The following MAGI2 variants were observed in gnomAD, a reference collection of about 807,000 sequenced individuals.
MAGI2 encodes membrane associated guanylate kinase, WW and PDZ domain containing 2.
Under a neutral mutation model 133.3 loss-of-function variants are expected in MAGI2, and 35 were observed. The observed-to-expected ratio is 0.26, with a 90% confidence interval of 0.20 to 0.35. MAGI2 has a LOEUF of 0.35. Among genes scored for constraint, MAGI2 ranks in the 10% least tolerant of loss-of-function variants. The pLI is 1.00. For synonymous variants in MAGI2, 729 were observed against 710.6 expected (o/e 1.03, Z -0.41); for missense variants, 1,636 against 1,863.4 (o/e 0.88, Z 2.25).
At chr7:79,398,428 A>G (rs551502558) in intron 1 of MAGI2, among the ~76,000 whole-genome samples, 1 of 152,342 alleles carries the variant, frequency 6.6e-6, no homozygotes, top group South Asian at 2.1e-4. Flanking sequence ...AGTGGGCTCA[A>G]GATGTTTGTG....
intron 2 of MAGI2, among the ~76,000 whole-genome samples, chr7:78,944,175 C>G (rs530015750): frequency 3.4e-4 from 52 of 152,226 alleles, no homozygotes; most frequent in African/African-American, 1.2e-3. Flanking sequence ...TGCCTTAATT[C>G]ATTTTCTCAC....
intron 1 of MAGI2, among the ~76,000 whole-genome samples, chr7:79,356,636 T>A (rs1842036488): frequency 6.6e-6 from 1 of 152,182 alleles, no homozygotes; most frequent in African/African-American, 2.4e-5. Flanking sequence ...AGTGATACTA[T>A]CTTAAACAAT....
At chr7:78,204,005 A>G (rs879426231) in intron 10 of MAGI2, among the ~76,000 whole-genome samples, 4 of 152,206 alleles carry the variant, frequency 2.6e-5, no homozygotes, top group Admixed American at 2.0e-4. Context: ...AAACCAAATC[A>G]AAACTGTCAA....
chr7:78,989,792 C>T lies in MAGI2; in HGVS notation c.418+17298G>A, dbSNP rs1199356209. On this transcript the variant is annotated intron_variant, in intron 2 of 21. Transcript: ENST00000354212. ...TGCATACCACCGTTTTCAGCCTACCCACTATCCTTAGCTCAGGTTGCACTG... is the reference window on the plus strand; with the variant it reads ...TGCATACCACCGTTTTCAGCCTACCTACTATCCTTAGCTCAGGTTGCACTG... 3.3e-5 allele frequency among the ~76,000 whole-genome samples: 5 copies of T among 152,134 alleles called. No homozygotes were observed. The South Asian group carries it at 1.0e-3, about 32-fold the overall frequency.
At chr7:79,046,160 T>C (rs967265089) in intron 1 of MAGI2, among the ~76,000 whole-genome samples, 2 of 152,146 alleles carry the variant, frequency 1.3e-5, no homozygotes, top group Non-Finnish European at 2.9e-5. Context: ...CTGAACTGTG[T>C]CCCCTTCAAA....
intron 2 of MAGI2, among the ~76,000 whole-genome samples, chr7:78,775,737 T>C (rs1376064315): frequency 6.6e-6 from 1 of 152,184 alleles, no homozygotes; most frequent in African/African-American, 2.4e-5. Context: ...ATTCTCACAA[T>C]AACTTAGAAA....
intron 1 of MAGI2, chr7:79,353,384 T>C (rs1841817230): frequency 8.9e-6 from 4 of 447,966 alleles, no homozygotes; most frequent in Non-Finnish European, 1.8e-5. Flanking sequence ...TCTCTGGCTG[T>C]GGCATCTTCT....
Position 79,126,625 on chromosome 7 carries a change from C to T in MAGI2, c.302-119419G>A, listed in dbSNP as rs577650820. On this transcript the variant is annotated intron_variant, in intron 1 of 21. Transcript: ENST00000354212. ...AATTCCTTTTTAAATTTTTAATAGT[C>T]TACTTTGAGTTGGGTTTCATTCATA... is the stretch of plus-strand genomic sequence containing the variant. Among the ~76,000 whole-genome samples the T allele has an allele frequency of 3.9e-5, 6 of 152,082 alleles. No individual in the cohort carries two copies. In the South Asian group the frequency reaches 1.2e-3, roughly 32 times the overall value.
intron 2 of MAGI2, among the ~76,000 whole-genome samples, chr7:78,906,668 T>G (rs1798012484): frequency 6.6e-6 from 1 of 152,144 alleles, no homozygotes; most frequent in Non-Finnish European, 1.5e-5. Flanking sequence ...CTTTTATAAG[T>G]TATAAAGGAG....
At chr7:78,539,691 A>G (rs1280712361) in intron 3 of MAGI2, among the ~76,000 whole-genome samples, 1 of 152,180 alleles carries the variant, frequency 6.6e-6, no homozygotes. Context: ...CTAGCCACCC[A>G]GTGGTACTGG....
chr7:78,984,871 CT>C (rs369155760), intron 2 of MAGI2, among the ~76,000 whole-genome samples: 246 of 152,100 alleles, frequency 1.6e-3, no homozygotes, highest in African/African-American at 5.8e-3. Flanking sequence ...TTGTTAATTG[CT>C]TTACCTCCAG....
chr7:78,630,160 A>G (rs1300651947), intron 2 of MAGI2, among the ~76,000 whole-genome samples: 1 of 151,704 alleles, frequency 6.6e-6, no homozygotes, highest in East Asian at 1.9e-4. Flanking sequence ...TTAACCCCCA[A>G]ATCTCTAAAT....
chr7:79,417,536 G>A (rs1037252485), intron 1 of MAGI2, among the ~76,000 whole-genome samples: 74 of 152,042 alleles, frequency 4.9e-4, no homozygotes, highest in Admixed American at 9.2e-4. Flanking sequence ...AATAGGGACC[G>A]ATCACTTTTC....
intron 2 of MAGI2, among the ~76,000 whole-genome samples, chr7:78,830,366 G>A (rs1791034780): frequency 6.6e-6 from 1 of 151,844 alleles, no homozygotes; most frequent in Admixed American, 6.6e-5. Context: ...TTTCCATTTT[G>A]CTTTGCTTCA....
At chr7:78,033,487 A>AAAC (rs1809829756) in intron 21 of MAGI2, among the ~76,000 whole-genome samples, 1 of 151,312 alleles carries the variant, frequency 6.6e-6, no homozygotes, top group South Asian at 2.1e-4. Context: ...AAAAAAAAAA[A>AAAC]AAAAAGAAAA....
intron 6 of MAGI2, among the ~76,000 whole-genome samples, chr7:78,403,405 G>A (rs1020802863): frequency 6.6e-6 from 1 of 152,180 alleles, no homozygotes; most frequent in African/African-American, 2.4e-5. Context: ...ATCATTGTTG[G>A]ACATTTGGGT....
chr7:78,154,224 A>G (rs1000000780), intron 16 of MAGI2, among the ~76,000 whole-genome samples: 2 of 152,252 alleles, frequency 1.3e-5, no homozygotes, highest in Non-Finnish European at 2.9e-5. Flanking sequence ...GAAACTCACC[A>G]GGGTGCTTTA....
At chr7:79,140,642 C>T (rs1393452757) in intron 1 of MAGI2, among the ~76,000 whole-genome samples, 4 of 152,086 alleles carry the variant, frequency 2.6e-5, no homozygotes, top group Admixed American at 6.5e-5. Flanking sequence ...AGGTTTCTTC[C>T]AGAGTCTTCA....
At chr7:79,365,438 C>A (rs1194775612) in intron 1 of MAGI2, among the ~76,000 whole-genome samples, 1 of 152,124 alleles carries the variant, frequency 6.6e-6, no homozygotes, top group Non-Finnish European at 1.5e-5. Flanking sequence ...ATTCATAGCA[C>A]CTTTATTTGT....
Sources: allele counts gnomAD v4.1 joint callset (sites outside exome capture counted in the v4.1 genomes callset), GRCh38; gene constraint gnomAD v4.1.1; transcripts MANE v1.5; gene names NCBI Gene and HGNC (gene_info 2026-07-23, HGNC 2026-07-21).